Variants in KCNT1 observed in about 807,000 individuals in gnomAD.
KCNT1 encodes potassium sodium-activated channel subfamily T member 1.
Under a neutral mutation model 147.8 loss-of-function variants are expected in KCNT1, and 78 were observed. The observed-to-expected ratio is 0.53, with a 90% CI of 0.44 to 0.64. The LOEUF (loss-of-function observed/expected upper bound fraction) is 0.64. KCNT1 is among the 30% of genes least tolerant of loss of function. The pLI, the probability that KCNT1 is intolerant of heterozygous loss-of-function variation, is 0.00. For missense variants in KCNT1, 1,419 were observed against 1,750.3 expected (o/e 0.81, Z 3.38); for synonymous variants, 867 against 748.8 (o/e 1.16, Z -2.58).
chr9:135,766,224 G>T (rs1206086951), intron 13 of KCNT1, among the ~76,000 whole-genome samples: 1 of 151,616 alleles, frequency 6.6e-6, no homozygotes, highest in East Asian at 1.9e-4. Flanking sequence ...TGGGTCATCT[G>T]GGATGGACTG....
chr9:135,776,033 T>G (rs1833146691), intron 20 of KCNT1, among the ~76,000 whole-genome samples: 1 of 152,090 alleles, frequency 6.6e-6, no homozygotes, highest in Non-Finnish European at 1.5e-5. Flanking sequence ...TGCCTGCATG[T>G]GGGGCCAGCC....
intron 4 of KCNT1, among the ~76,000 whole-genome samples, chr9:135,751,467 G>A (rs758416432): frequency 6.6e-6 from 1 of 152,074 alleles, no homozygotes; most frequent in Non-Finnish European, 1.5e-5. Context: ...GTCCCAAGGA[G>A]TCCCCTCCCC....
intron 2 of KCNT1, among the ~76,000 whole-genome samples, chr9:135,715,831 C>A (rs1835700679): frequency 6.6e-6 from 1 of 152,202 alleles, no homozygotes; most frequent in African/African-American, 2.4e-5. Context: ...TACCAGACCT[C>A]CCATAACATT....
chr9:135,711,722 C>T (rs1002155969), intron 1 of KCNT1, among the ~76,000 whole-genome samples: 6 of 152,202 alleles, frequency 3.9e-5, no homozygotes, highest in South Asian at 2.1e-4. Flanking sequence ...CAGATGGATT[C>T]CAAAAGTCAG....
At chr9:135,759,957 G>T in intron 11 of KCNT1, 98 bp downstream of exon 11, 1 of 1,184,830 alleles carries the variant, frequency 8.4e-7, no homozygotes, top group African/African-American at 1.5e-5. Context: ...ACAGTGCGGG[G>T]GCCACTCCCA....
intron 2 of KCNT1, among the ~76,000 whole-genome samples, chr9:135,742,351 G>A (rs1830607212): frequency 6.6e-6 from 1 of 152,236 alleles, no homozygotes; most frequent in Non-Finnish European, 1.5e-5. Flanking sequence ...TTCGTGCTGA[G>A]CAGGGCCAGG....
At position 135,786,237 on chromosome 9, in the gene KCNT1, G is replaced by A. The variant is rs747837141; in HGVS notation, c.3218G>A (p.Arg1073Gln). The A allele has an allele frequency of 8.1e-6, 13 of 1,611,424 alleles. No individual in the cohort carries two copies. Among genetic ancestry groups the A allele is most frequent in the African/African-American group, 2.7e-5 (2 of 74,860 alleles). ...AACGTGGAGGACTGTGAGGACACAC[G>A]GGAAGTGAAGGGGCCCTGGGGCTCC... Reference protein sequence around the residue: ...SVNVEDCEDTREVKGPWGSRA... With the variant: ...SVNVEDCEDTQEVKGPWGSRA... The change falls in exon 29 of 31, where the codon CGG becomes CAG. Residue 1073 changes from arginine to glutamine, a missense_variant. Physicochemically the swap from Arg to Gln is conservative, Grantham distance 43 (BLOSUM62 1). Transcript: ENST00000371757.
chr9:135,724,770 C>T (rs1187271355), intron 2 of KCNT1, among the ~76,000 whole-genome samples: 1 of 152,238 alleles, frequency 6.6e-6, no homozygotes. Context: ...CCGGCTGGGT[C>T]GGCTGGGCTG....
chr9:135,758,096 TGGGCTGCCCCTTGGGCCTCAGCCGAG>T, intron 9 of KCNT1, among the ~76,000 whole-genome samples: 1 of 136,080 alleles, frequency 7.3e-6, no homozygotes, highest in South Asian at 2.5e-4. Context: ...TGGCCAGGCG[TGGGCTGCCCCTTGGGCCTCAGCCGAG>T]ACACAGGTGT....
intron 9 of KCNT1, among the ~76,000 whole-genome samples, chr9:135,758,106 C>T (rs1831619049): frequency 6.6e-6 from 1 of 151,704 alleles, no homozygotes. Context: ...TGGGCTGCCC[C>T]TTGGGCCTCA....
chr9:135,719,787 A>G (rs1250680995), intron 2 of KCNT1, among the ~76,000 whole-genome samples: 1 of 152,124 alleles, frequency 6.6e-6, no homozygotes, highest in African/African-American at 2.4e-5. Flanking sequence ...AGCTGGTGCC[A>G]TGGGGCCCAG....
chr9:135,737,781 G>T (rs542654390), intron 2 of KCNT1, among the ~76,000 whole-genome samples: 1 of 152,166 alleles, frequency 6.6e-6, no homozygotes, highest in African/African-American at 2.4e-5. Flanking sequence ...GGGCTGTTGG[G>T]CCCCTCCCGG....
At chr9:135,785,537 G>A (rs768628445) in intron 28 of KCNT1, 602 of 688,774 alleles carry the variant, frequency 8.7e-4, no homozygotes, top group Non-Finnish European at 1.4e-3. Flanking sequence ...TGGTGGTGGG[G>A]AAGCTGAGGC....
chr9:135,717,017 A>G (rs988888930), intron 2 of KCNT1, among the ~76,000 whole-genome samples: 4 of 151,962 alleles, frequency 2.6e-5, no homozygotes, highest in Non-Finnish European at 5.9e-5. Flanking sequence ...TGGTGTGCAT[A>G]GGACGGGAGG....
rs567576928 is a variant in KCNT1 at position 135,747,349 on chromosome 9, G to A, written c.255-2749G>A. 2.2e-4 allele frequency among the ~76,000 whole-genome samples: 34 copies of A among 152,152 alleles called. 2 individuals carry two copies. The South Asian group carries it at 6.0e-3, about 27-fold the overall frequency. On this transcript the variant is annotated intron_variant, in intron 2 of 30. Coordinates refer to ENST00000371757, the MANE Select transcript of KCNT1 (RefSeq NM_020822.3). ...GAGGGCGGGACAGTGGTAGGGAGGC[G>A]GGGAGGGTGGGTTCCTAAGCTCCAT...
chr9:135,791,725 C>G, intron 29 of KCNT1, 72 bp from the exon 30 acceptor site: 1 of 1,327,614 alleles, frequency 7.5e-7, no homozygotes, highest in Non-Finnish European at 1.1e-6. Flanking sequence ...AGCCCCCACA[C>G]CTCTGGGCCC....
At chr9:135,772,674 G>A (rs1431923313) in intron 18 of KCNT1, 41 bp from the exon 19 acceptor site, 4 of 1,336,960 alleles carry the variant, frequency 3.0e-6, no homozygotes, top group African/African-American at 1.5e-5. Flanking sequence ...CCCATGGAGG[G>A]TGGGAGTCGG....
chr9:135,759,421 G>A (rs918121489), intron 10 of KCNT1, among the ~76,000 whole-genome samples: 1 of 152,212 alleles, frequency 6.6e-6, no homozygotes, highest in African/African-American at 2.4e-5. Flanking sequence ...AATTCGCCGT[G>A]AACAGAGGCC....
intron 2 of KCNT1, among the ~76,000 whole-genome samples, chr9:135,740,035 C>A (rs544318786): frequency 1.1e-4 from 17 of 152,276 alleles, no homozygotes; most frequent in African/African-American, 4.1e-4. Flanking sequence ...TAGACACCAT[C>A]TTCTCCCTGT....
Sources: allele counts gnomAD v4.1 joint callset (sites outside exome capture counted in the v4.1 genomes callset), GRCh38; gene constraint gnomAD v4.1.1; transcripts MANE v1.5; gene names NCBI Gene and HGNC (gene_info 2026-07-23, HGNC 2026-07-21).